Variants in ERICH2 observed in about 807,000 individuals in gnomAD.
ERICH2 encodes glutamate-rich protein 2.
ERICH2 carries 17 observed loss-of-function variants against 17.4 expected under a neutral mutation model. The ratio of observed to expected loss-of-function variants is 0.98; its 90% CI spans 0.67 to 1.47. The LOEUF (loss-of-function observed/expected upper bound fraction) is 1.47. Among genes scored for constraint, ERICH2 ranks in the 40% most tolerant of loss-of-function variants. The pLI is 0.00. For missense variants in ERICH2, 186 were observed against 183.2 expected (o/e 1.01, Z -0.09); for synonymous variants, 51 against 61.1 (o/e 0.83, Z 0.77).
At chr2:170,790,096 T>C (rs906279043) in intron 2 of ERICH2, among the ~76,000 whole-genome samples, 2 of 152,244 alleles carry the variant, frequency 1.3e-5, no homozygotes, top group Non-Finnish European at 2.9e-5. Flanking sequence ...TCCCTGTCCA[T>C]GCTCAATTAA....
chr2:170,779,859 T>C, upstream of ERICH2: 1 of 984,584 alleles, frequency 1.0e-6, no homozygotes, highest in African/African-American at 1.7e-5. Context: ...CACAGGTCTC[T>C]GTAAATGTAG....
chr2:170,781,198 A>T (rs1701017272), upstream of ERICH2, among the ~76,000 whole-genome samples: 1 of 152,190 alleles, frequency 6.6e-6, no homozygotes, highest in Non-Finnish European at 1.5e-5. Flanking sequence ...TCACATTTCC[A>T]TGAGGGAAAA....
At chr2:170,784,521 TTTG>T in intron 1 of ERICH2, 122 bp from the exon 7 acceptor site, 2 of 513,506 alleles carry the variant, frequency 3.9e-6, no homozygotes, top group Non-Finnish European at 6.7e-6. Context: ...TGAATATAAG[TTTG>T]TTATGATAAT....
At chr2:170,797,826 A>G (rs1449039056) in intron 3 of ERICH2, among the ~76,000 whole-genome samples, 1 of 151,806 alleles carries the variant, frequency 6.6e-6, no homozygotes, top group African/African-American at 2.4e-5. Context: ...AAAGAAAGAA[A>G]ATATAGTGAG....
At chr2:170,798,338 C>T (rs1454351803) in intron 4 of ERICH2, among the ~76,000 whole-genome samples, 2 of 152,140 alleles carry the variant, frequency 1.3e-5, no homozygotes, top group African/African-American at 2.4e-5. Context: ...GCTCCCTGGG[C>T]ACCAGGCATC....
Position 170,790,982 on chromosome 2 carries a change from A to G in ERICH2, c.217-1881A>G, listed in dbSNP as rs557408939. Reference sequence around the variant, plus strand: ...GCCAGAAACTAGAAAAATAAAATAAACATAAAACAAGAAAAATAATTAAAC... The same window carrying G: ...GCCAGAAACTAGAAAAATAAAATAAGCATAAAACAAGAAAAATAATTAAAC... On this transcript the variant is annotated intron_variant, in intron 2 of 4. Transcript: ENST00000409885. Among the ~76,000 whole-genome samples, 31 of 152,272 alleles carry G rather than the reference A, an allele frequency of 2.0e-4. No individual in the cohort carries two copies. In the East Asian group the frequency reaches 5.0e-3, roughly 25 times the overall value.
At chr2:170,784,711 A>G in exon 2 of ERICH2, 2 of 1,546,470 alleles carry the variant, frequency 1.3e-6, no homozygotes, top group Non-Finnish European at 1.7e-6. Flanking sequence ...CCTTCAGGAT[A>G]TTGATGATAA....
intron 2 of ERICH2, among the ~76,000 whole-genome samples, chr2:170,790,221 C>G (rs11675773): frequency 6.6e-6 from 1 of 152,140 alleles, no homozygotes; most frequent in Non-Finnish European, 1.5e-5. Flanking sequence ...TTCAGCTGGG[C>G]GTGGTGGCTC....
At chr2:170,798,230 A>C (rs1482283196) in intron 4 of ERICH2, 118 bp downstream of exon 9, 1 of 717,736 alleles carries the variant, frequency 1.4e-6, no homozygotes, top group Non-Finnish European at 2.4e-6. Context: ...AAAAGGCTAA[A>C]TGGCTGTCTT....
At chr2:170,791,764 T>A (rs73021484) in intron 2 of ERICH2, among the ~76,000 whole-genome samples, 2,290 of 151,880 alleles carry the variant, frequency 0.015, 61 homozygotes, top group African/African-American at 0.052. Flanking sequence ...AGAATTTTGA[T>A]GAAATTAATG....
chr2:170,791,574 C>A lies in ERICH2; in HGVS notation c.217-1289C>A, dbSNP rs186956684. Among the ~76,000 whole-genome samples the A allele has an allele frequency of 1.7e-3, 260 of 150,668 alleles. 5 individuals are homozygous for A. Among genetic ancestry groups the A allele is most frequent in the Admixed American group, 0.017 (259 of 15,136 alleles). Reference sequence around the variant, plus strand: ...GCGTGGTGGCAGGCGCCTGTAGTCCCAGCTACTACAGAGGCTGAGGCAGGA... The same window carrying A: ...GCGTGGTGGCAGGCGCCTGTAGTCCAAGCTACTACAGAGGCTGAGGCAGGA... On this transcript the variant is annotated intron_variant, in intron 2 of 4. Coordinates refer to ENST00000409885, the Ensembl canonical transcript of ERICH2.
chr2:170,785,378 G>A (rs1701136085), intron 2 of ERICH2, among the ~76,000 whole-genome samples: 1 of 152,086 alleles, frequency 6.6e-6, no homozygotes, highest in Non-Finnish European at 1.5e-5. Context: ...TTCTGGAAGG[G>A]ACATGCAGTA....
chr2:170,798,634 G>A (rs1701488229), intron 4 of ERICH2, 136 bp from the exon 10 acceptor site: 3 of 935,474 alleles, frequency 3.2e-6, no homozygotes, highest in Non-Finnish European at 4.7e-6. Flanking sequence ...TGACCCTAGT[G>A]CAGTTAGCCA....
At chr2:170,776,231 A>T in the ERICH2 span, among the ~76,000 whole-genome samples, 1 of 152,242 alleles carries the variant, frequency 6.6e-6, no homozygotes, top group African/African-American at 2.4e-5. Flanking sequence ...ATGAGAACTT[A>T]TGAGGTAAGA....
upstream of ERICH2, chr2:170,779,883 A>T (rs1482471968): frequency 1.6e-5 from 16 of 972,906 alleles, no homozygotes; most frequent in Non-Finnish European, 2.0e-5. Context: ...AAACATTCTC[A>T]GAAAAGTAAG....
At chr2:170,791,822 A>AT (rs1009867896) in intron 2 of ERICH2, among the ~76,000 whole-genome samples, 28 of 151,990 alleles carry the variant, frequency 1.8e-4, no homozygotes, top group African/African-American at 6.3e-4. Flanking sequence ...TAGAAATAAA[A>AT]TTTTTTTTAA....
the ERICH2 span, chr2:170,770,767 G>A: frequency 6.4e-6 from 1 of 155,256 alleles, no homozygotes; most frequent in East Asian, 1.9e-4. Context: ...CCGAGGGTGT[G>A]TGCGCCCAGT....
chr2:170,785,783 A>T (rs1006793942), intron 2 of ERICH2, among the ~76,000 whole-genome samples: 2 of 152,182 alleles, frequency 1.3e-5, no homozygotes, highest in Non-Finnish European at 2.9e-5. Context: ...CAGAAAAGGC[A>T]TATATGAAGG....
At chr2:170,777,893 T>C in the ERICH2 span, 5 of 390,922 alleles carry the variant, frequency 1.3e-5, no homozygotes. Context: ...TGCAGAAGTA[T>C]AGATAATATT....
Sources: gnomAD v4.1 joint callset for allele counts (sites outside exome capture counted in the v4.1 genomes callset) on GRCh38, gnomAD v4.1.1 for gene constraint, MANE v1.5 for transcripts, NCBI Gene and HGNC (gene_info 2026-07-23, HGNC 2026-07-21) for gene names.